The following TINAG variants were observed in gnomAD, a reference collection of about 807,000 sequenced individuals.
TINAG encodes the protein tubulointerstitial nephritis antigen.
TINAG carries 83 observed loss-of-function variants against 72.7 expected under a neutral mutation model. The observed-to-expected ratio is 1.14, with a 90% CI of 0.96 to 1.37. TINAG has a LOEUF of 1.37. Among genes scored for constraint, TINAG ranks in the 40% most tolerant of loss-of-function variants. The pLI is 0.00. For missense variants in TINAG, 685 were observed against 576.6 expected (o/e 1.19, Z -1.93); for synonymous variants, 234 against 189.9 (o/e 1.23, Z -1.91).
chr6:54,380,470 A>G, intron 9 of TINAG, 56 bp from the exon 10 acceptor site: 1 of 1,475,348 alleles, frequency 6.8e-7, no homozygotes. Context: ...CATTCTCTCA[A>G]GAAGCAAACC....
chr6:54,331,586 A>G (rs1354962403), intron 4 of TINAG, among the ~76,000 whole-genome samples: 1 of 152,190 alleles, frequency 6.6e-6, no homozygotes, highest in Non-Finnish European at 1.5e-5. Flanking sequence ...TTTATTCAAC[A>G]TAGTATTGGA....
At chr6:54,371,956 G>C (rs1763622234) in intron 9 of TINAG, among the ~76,000 whole-genome samples, 1 of 132,954 alleles carries the variant, frequency 7.5e-6, no homozygotes, top group Non-Finnish European at 1.6e-5. Flanking sequence ...GCTTTAGCAG[G>C]TTTATAAAAT....
intron 3 of TINAG, 38 bp downstream of exon 3, chr6:54,321,424 C>G: frequency 2.9e-6 from 4 of 1,390,906 alleles, no homozygotes; most frequent in Non-Finnish European, 4.1e-6. Flanking sequence ...CTTGACACTG[C>G]CATTTACTAT....
intron 9 of TINAG, among the ~76,000 whole-genome samples, chr6:54,357,255 A>G (rs1185736788): frequency 6.6e-6 from 1 of 151,800 alleles, no homozygotes; most frequent in African/African-American, 2.4e-5. Flanking sequence ...TAACGTTGAC[A>G]TGCCCTAGTC....
At chr6:54,346,717 GATA>G (rs1325766090) in intron 5 of TINAG, among the ~76,000 whole-genome samples, 1 of 151,824 alleles carries the variant, frequency 6.6e-6, no homozygotes, top group Non-Finnish European at 1.5e-5. Context: ...ACAAGATTAA[GATA>G]ATAATTTTCA....
intron 4 of TINAG, among the ~76,000 whole-genome samples, chr6:54,338,745 A>G (rs1784929384): frequency 7.0e-6 from 1 of 142,962 alleles, no homozygotes; most frequent in South Asian, 2.2e-4. Flanking sequence ...AAAAAAAAAG[A>G]CTAGTTCATT....
chr6:54,380,479 C>T, intron 9 of TINAG, 47 bp from the exon 10 acceptor site: 1 of 1,527,952 alleles, frequency 6.5e-7, no homozygotes, highest in Non-Finnish European at 9.0e-7. Context: ...AAGAAGCAAA[C>T]CAAACATTTT....
chr6:54,338,079 T>C (rs1479131104), intron 4 of TINAG, among the ~76,000 whole-genome samples: 2 of 152,200 alleles, frequency 1.3e-5, no homozygotes, highest in Non-Finnish European at 2.9e-5. Context: ...TTAGAAAATA[T>C]ACGCCTGGCC....
chr6:54,389,584 A>G (rs1201616479), intron 10 of TINAG, among the ~76,000 whole-genome samples: 1 of 152,216 alleles, frequency 6.6e-6, no homozygotes, highest in Non-Finnish European at 1.5e-5. Context: ...CAGAAGAGTC[A>G]TATCAATTCT....
At chr6:54,362,484 C>T (rs1763270256) in intron 9 of TINAG, among the ~76,000 whole-genome samples, 1 of 151,540 alleles carries the variant, frequency 6.6e-6, no homozygotes. Flanking sequence ...AAAAAAAACA[C>T]ATTCCTTTTA....
intron 1 of TINAG, among the ~76,000 whole-genome samples, 168 bp from the exon 2 acceptor site, chr6:54,320,411 C>T (rs561090050): frequency 2.6e-5 from 4 of 152,216 alleles, no homozygotes; most frequent in South Asian, 2.1e-4. Flanking sequence ...CAGAAGAATT[C>T]GATATACACA....
intron 10 of TINAG, among the ~76,000 whole-genome samples, chr6:54,383,649 G>A (rs1299018703): frequency 6.6e-6 from 1 of 151,722 alleles, no homozygotes; most frequent in African/African-American, 2.4e-5. Context: ...AGCAACCAAG[G>A]GAAAAATACT....
chr6:54,361,213 G>T (rs879612393), intron 9 of TINAG, among the ~76,000 whole-genome samples: 3 of 151,012 alleles, frequency 2.0e-5, no homozygotes, highest in Non-Finnish European at 3.0e-5. Flanking sequence ...TTAAAATTAT[G>T]GTAATTAGTA....
At position 54,321,384 on chromosome 6, in the gene TINAG, T is replaced by C. The variant is rs1372434387; in HGVS notation, c.507T>C (p.Tyr169=). Residue 169 remains tyrosine, a splice_region_variant and synonymous_variant, in exon 3 of 11, where the codon TAT becomes TAC. Transcript: ENST00000259782. ...TTGAACAGGTCAATAAAGGAGACTA[T>C]GGGTGAGAGAAATCTTGCTTTGTAT... ...ELIEQVNKGD[Y]GWTAQNYSQF... 3 of 1,607,034 alleles carry C rather than the reference T, an allele frequency of 1.9e-6. No homozygotes were observed. Among genetic ancestry groups the C allele is most frequent in the East Asian group, 2.2e-5 (1 of 44,792 alleles).
At chr6:54,365,366 T>C (rs1413687933) in intron 9 of TINAG, 1 of 151,538 alleles carries the variant, frequency 6.6e-6, no homozygotes, top group African/African-American at 2.4e-5. Context: ...TTCAAATATA[T>C]TAATAGAGGT....
At chr6:54,357,874 A>T (rs1324714659) in intron 9 of TINAG, among the ~76,000 whole-genome samples, 2 of 151,944 alleles carry the variant, frequency 1.3e-5, no homozygotes, top group Non-Finnish European at 2.9e-5. Flanking sequence ...TTCTTTGTTC[A>T]GAATCCTACA....
intron 1 of TINAG, among the ~76,000 whole-genome samples, chr6:54,314,006 G>A (rs1194453614): frequency 6.6e-6 from 1 of 152,092 alleles, no homozygotes; most frequent in Non-Finnish European, 1.5e-5. Context: ...CCCAGGCCTC[G>A]AGAAACTTAG....
At chr6:54,326,094 C>T (rs931145998) in intron 3 of TINAG, among the ~76,000 whole-genome samples, 2 of 151,834 alleles carry the variant, frequency 1.3e-5, no homozygotes, top group Non-Finnish European at 2.9e-5. Flanking sequence ...CCACTATCAT[C>T]TAGTAAAAAA....
chr6:54,314,461 C>T (rs530920015), intron 1 of TINAG, among the ~76,000 whole-genome samples: 33 of 152,160 alleles, frequency 2.2e-4, no homozygotes, highest in African/African-American at 7.9e-4. Context: ...AGAATATAGT[C>T]ACATGGACAT....
Sources: gnomAD v4.1 joint callset for allele counts (sites outside exome capture counted in the v4.1 genomes callset) on GRCh38, gnomAD v4.1.1 for gene constraint, MANE v1.5 for transcripts, NCBI Gene and HGNC (gene_info 2026-07-23, HGNC 2026-07-21) for gene names.